The following FHIP1B variants were observed in gnomAD, a reference collection of about 807,000 sequenced individuals.
FHIP1B encodes FHF complex subunit HOOK interacting protein 1B.
A neutral mutation model predicts 82.2 loss-of-function variants in FHIP1B; 28 were observed. That is an observed-to-expected ratio of 0.34 (90% CI 0.25 to 0.47). The LOEUF (loss-of-function observed/expected upper bound fraction) is 0.47, where lower values mean the gene tolerates loss of function less well. Ranked by LOEUF, FHIP1B falls within the 20% of genes least tolerant of loss-of-function variation. The pLI, the probability that FHIP1B is intolerant of heterozygous loss-of-function variation, is 1.00. For synonymous variants in FHIP1B, 585 were observed against 516.1 expected (o/e 1.13, Z -1.81); for missense variants, 1,110 against 1,262.6 (o/e 0.88, Z 1.83).
chr11:6,213,665 T>C (rs1056820077), intron 11 of FHIP1B, among the ~76,000 whole-genome samples: 4 of 152,210 alleles, frequency 2.6e-5, no homozygotes, highest in African/African-American at 9.6e-5. Context: ...TTCATAACGA[T>C]ATTTAATTCT....
intron 1 of FHIP1B, among the ~76,000 whole-genome samples, chr11:6,229,871 G>A (rs1328216682): frequency 6.6e-6 from 1 of 151,374 alleles, no homozygotes; most frequent in Non-Finnish European, 1.5e-5. Flanking sequence ...CTATAGTTTG[G>A]TATTCCTATC....
chr11:6,217,425 A>G lies in FHIP1B; in HGVS notation c.2161T>C (p.Phe721Leu). 6.2e-7 allele frequency: 1 copy of G among 1,614,002 alleles called. No homozygotes were observed. The highest frequency in any genetic ancestry group is 8.5e-7 in the Non-Finnish European group (1 of 1,179,936). Reference sequence around the variant, plus strand: ...AGAGTCCGCAAAGGGCTGCTGAGGAAGGGGCCAGGGGGCTCAGGGGGACAG... The same window carrying G: ...AGAGTCCGCAAAGGGCTGCTGAGGAGGGGGCCAGGGGGCTCAGGGGGACAG... ...FTCPPEPPGP[F>L]LSSPLRTLNQ... Residue 721 changes from phenylalanine to leucine, a missense_variant, in exon 9 of 12, where the codon TTC (phenylalanine) becomes CTC (leucine). Around this residue, in one of 6 missense-constraint regions of FHIP1B, gnomAD observed 418 missense variants for 371.4 expected, o/e 1.13. Transcript: ENST00000449352.
At chr11:6,222,742 G>GT in intron 5 of FHIP1B, 69 bp downstream of exon 5, 1 of 1,560,130 alleles carries the variant, frequency 6.4e-7, no homozygotes. Context: ...CGCCTCCTAC[G>GT]TTAGTCCTGT....
chr11:6,214,639 C>T (rs1467505241), intron 10 of FHIP1B, 66 bp from the exon 11 acceptor site: 2 of 1,557,022 alleles, frequency 1.3e-6, no homozygotes, highest in African/African-American at 2.7e-5. Flanking sequence ...TCTAGTCCCA[C>T]TGGGCCTGTT....
At chr11:6,225,369 G>C (rs578166189) in intron 1 of FHIP1B, among the ~76,000 whole-genome samples, 1 of 152,200 alleles carries the variant, frequency 6.6e-6, no homozygotes, top group African/African-American at 2.4e-5. Flanking sequence ...CGTTTTGTTT[G>C]TTTGTTTGTT....
Position 6,216,335 on chromosome 11 carries a change from G to T in FHIP1B, c.2215+1036C>A, listed in dbSNP as rs4758400. 1.8e-3 allele frequency among the ~76,000 whole-genome samples: 271 copies of T among 152,168 alleles called. 1 individual carries two copies. Among genetic ancestry groups the T allele is most frequent in the South Asian group, 5.8e-3 (28 of 4,826 alleles). ...ATCTGACTATGAACAACTGGAAGATGAGTGTTTGCCTTAGTCAACTTAAAT... is the reference window on the plus strand; with the variant it reads ...ATCTGACTATGAACAACTGGAAGATTAGTGTTTGCCTTAGTCAACTTAAAT... On this transcript the variant is annotated intron_variant, in intron 9 of 11. Transcript: ENST00000449352.
intron 1 of FHIP1B, among the ~76,000 whole-genome samples, chr11:6,227,658 C>T (rs894279321): frequency 3.3e-5 from 5 of 152,074 alleles, no homozygotes; most frequent in Non-Finnish European, 7.3e-5. Context: ...GATACAAATT[C>T]AAGAGTTAGC....
At chr11:6,212,476 C>T (rs544783295) in intron 11 of FHIP1B, among the ~76,000 whole-genome samples, 154 of 152,290 alleles carry the variant, frequency 1.0e-3, no homozygotes, top group African/African-American at 3.7e-3. Flanking sequence ...ACTGTCCCTC[C>T]AAAATATGCT....
At position 6,222,425 on chromosome 11, in the gene FHIP1B, AG is replaced by A. The variant is rs763528961; in HGVS notation, c.1191+16del. On this transcript the variant is annotated intron_variant, in intron 6 of 11. Coordinates refer to ENST00000449352, the MANE Select transcript of FHIP1B (RefSeq NM_001098794.2). ...ATGGGTCATCCAGGTAAGCTAGGAC[AG>A]GGGTAAGGGCCATACCCGGGAGTTA... 1.8e-5 allele frequency: 29 copies of A among 1,613,064 alleles called. No homozygotes were observed. In the African/African-American group the frequency reaches 3.6e-4, roughly 20 times the overall value.
rs375354145 is a variant in FHIP1B at position 6,214,920 on chromosome 11, G to T, written c.2216-9C>A. 1.9e-4 allele frequency: 293 copies of T among 1,541,534 alleles called. 10 individuals are homozygous for T. In the South Asian group the frequency reaches 3.1e-3, roughly 16 times the overall value. On this transcript the variant is annotated splice_polypyrimidine_tract_variant and intron_variant, in intron 9 of 11. Coordinates refer to ENST00000449352, the MANE Select transcript of FHIP1B (RefSeq NM_001098794.2). The stretch of plus-strand genomic sequence containing the variant: ...CACAGCCATGAAGGGGCCTGGGTTG[G>T]GGGGGAGGTGGGCACAAGGATACAA...
At chr11:6,212,151 A>G (rs1420108958) in intron 11 of FHIP1B, among the ~76,000 whole-genome samples, 4 of 152,122 alleles carry the variant, frequency 2.6e-5, no homozygotes, top group African/African-American at 4.8e-5. Context: ...CACCCAGCCA[A>G]CCATCCTTCT....
rs781274931 is a variant in FHIP1B, at chr11:6,218,593, G to A, written c.1435+7C>T. On this transcript the variant is annotated splice_region_variant and intron_variant, in intron 8 of 11. Transcript: ENST00000449352. ...CTCCCTTCTCCCTGTCTCTCTGCTA[G>A]GCCCACCTCGTGCCCATGAGGCATG... 5 of 1,613,958 alleles carry A rather than the reference G, an allele frequency of 3.1e-6. No individual in the cohort carries two copies. The highest frequency in any genetic ancestry group is 1.7e-5 in the Admixed American group (1 of 59,996).
intron 1 of FHIP1B, among the ~76,000 whole-genome samples, chr11:6,231,538 T>A (rs1339743657): frequency 6.8e-6 from 1 of 146,936 alleles, no homozygotes; most frequent in Non-Finnish European, 1.5e-5. Context: ...TGGTGTGACC[T>A]CATCTCACTG....
In FHIP1B at chr11:6,217,503, G is replaced by C; in HGVS notation, c.2083C>G (p.Pro695Ala). Reference sequence around the variant, plus strand: ...TCAAGGGGCAGTGGAGGTTCTAAGGGGGACTCTGAGCCAGTTCCCCCATTG... The same window carrying C: ...TCAAGGGGCAGTGGAGGTTCTAAGGCGGACTCTGAGCCAGTTCCCCCATTG... ...LSNGGTGSES[P>A]LEPPLPLEEE... The change falls in exon 9 of 12, where the codon CCC becomes GCC. Residue 695 changes from proline to alanine, a missense_variant. By Grantham distance (27) the Pro-to-Ala change is conservative. Around this residue, in one of 6 missense-constraint regions of FHIP1B, gnomAD observed 418 missense variants for 371.4 expected, o/e 1.13. Coordinates refer to ENST00000449352, the MANE Select transcript of FHIP1B (RefSeq NM_001098794.2). 6.2e-7 allele frequency: 1 copy of C among 1,612,786 alleles called. No homozygotes were observed. Among genetic ancestry groups the C allele is most frequent in the Non-Finnish European group, 8.5e-7 (1 of 1,179,212 alleles).
chr11:6,225,943 C>T (rs1218543897), intron 1 of FHIP1B, among the ~76,000 whole-genome samples: 1 of 152,140 alleles, frequency 6.6e-6, no homozygotes, highest in Non-Finnish European at 1.5e-5. Flanking sequence ...AAGACATCCT[C>T]ACAAGAAAAA....
chr11:6,213,644 A>G (rs1847137288), intron 11 of FHIP1B, among the ~76,000 whole-genome samples: 2 of 152,236 alleles, frequency 1.3e-5, no homozygotes, highest in African/African-American at 2.4e-5. Context: ...CGAAAAGTCT[A>G]GATTTAAAAC....
chr11:6,219,109 T>C (rs1047937356), intron 6 of FHIP1B, 59 bp from the exon 7 acceptor site: 2 of 1,413,854 alleles, frequency 1.4e-6, no homozygotes, highest in African/African-American at 2.8e-5. Context: ...CTCCAAGCCA[T>C]TCACCAAACG....
chr11:6,214,907 G>A lies in FHIP1B; in HGVS notation c.2220C>T (p.Pro740=). 6.3e-7 allele frequency: 1 copy of A among 1,579,040 alleles called. No individual in the cohort carries two copies. Among genetic ancestry groups the A allele is most frequent in the South Asian group, 1.2e-5 (1 of 85,988 alleles). The change falls in exon 10 of 12, where the codon CCC becomes CCT. Residue 740 remains proline, a synonymous_variant. Transcript: ENST00000449352. ...GTTTGGCAAAGAGCACAGCCATGAA[G>A]GGGCCTGGGTTGGGGGGGAGGTGGG... ...NQLPSQPFTG[P]FMAVLFAKLE...
rs1847301527 is a variant in FHIP1B at position 6,218,161 on chromosome 11, A to G, written c.1436-11T>C. ...TTGGGCTTCCAGGACCTGCAAAGGG[A>G]AAAAATATAAGAGAAATCAAGGAGA... On this transcript the variant is annotated splice_polypyrimidine_tract_variant and intron_variant, in intron 8 of 11. Transcript: ENST00000449352. 1 of 1,603,976 alleles carries G rather than the reference A, an allele frequency of 6.2e-7. No homozygotes were observed.
Sources: allele counts gnomAD v4.1 joint callset (sites outside exome capture counted in the v4.1 genomes callset), GRCh38; gene constraint gnomAD v4.1.1; regional missense constraint gnomAD v4.1.1; transcripts MANE v1.5; gene names NCBI Gene and HGNC (gene_info 2026-07-23, HGNC 2026-07-21).